Variants in BCL2L11 observed in about 807,000 individuals in gnomAD.
BCL2L11 encodes the protein bcl-2-like protein 11.
A neutral mutation model predicts 20.6 loss-of-function variants in BCL2L11; 15 were observed. That is an observed-to-expected ratio of 0.73 (90% CI 0.49 to 1.12). The LOEUF (loss-of-function observed/expected upper bound fraction) is 1.12, where lower values mean the gene tolerates loss of function less well. Ranked by LOEUF, BCL2L11 falls within the 50% of genes most tolerant of loss-of-function variation. The probability of loss-of-function intolerance (pLI) is 0.00; values close to 1 mark genes in which losing one functional copy is unlikely to be tolerated. For missense variants in BCL2L11, 292 were observed against 260.9 expected, an observed-to-expected ratio of 1.12 and a Z score of -0.82; for synonymous variants, 108 against 92.8, an observed-to-expected ratio of 1.16 and a Z score of -0.94.
chr2:111,134,737 G>A (rs528400866), intron 2 of BCL2L11, among the ~76,000 whole-genome samples: 1 of 152,160 alleles, frequency 6.6e-6, no homozygotes, highest in Non-Finnish European at 1.5e-5. Context: ...CTCCTTCTGG[G>A]AATGTCTTTA....
At chr2:111,164,017 G>A (rs1407725307) in intron 3 of BCL2L11, 116 bp from the exon 4 acceptor site, 1 of 696,672 alleles carries the variant, frequency 1.4e-6, no homozygotes, top group East Asian at 2.7e-5. Context: ...TGCTCTTGAA[G>A]AGGTGCCTTT....
chr2:111,163,879 TTTTTCCTA>T (rs2078871628), intron 3 of BCL2L11, among the ~76,000 whole-genome samples: 1 of 150,938 alleles, frequency 6.6e-6, no homozygotes, highest in Non-Finnish European at 1.5e-5. Flanking sequence ...TTTTTTTTTT[TTTTTCCTA>T]TTTTAAGGAG....
intron 3 of BCL2L11, among the ~76,000 whole-genome samples, chr2:111,157,910 C>G (rs2078066757): frequency 6.6e-6 from 1 of 152,176 alleles, no homozygotes; most frequent in Admixed American, 6.5e-5. Flanking sequence ...AGGTACCATG[C>G]ATCTGGGAGG....
intron 3 of BCL2L11, chr2:111,151,733 T>C: frequency 9.2e-7 from 1 of 1,088,158 alleles, no homozygotes; most frequent in Non-Finnish European, 1.4e-6. Flanking sequence ...GTGGGGGTGT[T>C]TGAGGAGAGT....
At chr2:111,122,696 C>A in intron 1 of BCL2L11, 1 of 982,012 alleles carries the variant, frequency 1.0e-6, no homozygotes, top group Non-Finnish European at 1.2e-6. Flanking sequence ...GGGCCAGAGG[C>A]GCGGCGTGCG....
intron 3 of BCL2L11, among the ~76,000 whole-genome samples, chr2:111,150,882 T>TTG (rs538287622): frequency 7.4e-6 from 1 of 134,694 alleles, no homozygotes; most frequent in Non-Finnish European, 1.7e-5. Context: ...CATGGGACAC[T>TTG]TTTGTTTGTT....
At chr2:111,130,648 T>C (rs545959968) in intron 2 of BCL2L11, among the ~76,000 whole-genome samples, 1 of 152,214 alleles carries the variant, frequency 6.6e-6, no homozygotes, top group Non-Finnish European at 1.5e-5. Flanking sequence ...TTATGTTGAC[T>C]AGGAGTGGTG....
At chr2:111,133,125 C>T (rs2150338961) in intron 2 of BCL2L11, among the ~76,000 whole-genome samples, 1 of 152,262 alleles carries the variant, frequency 6.6e-6, no homozygotes, top group South Asian at 2.1e-4. Context: ...TGAGTAGTTT[C>T]CAAATTTTGG....
chr2:111,153,535 T>G (rs901731765), intron 3 of BCL2L11, among the ~76,000 whole-genome samples: 2 of 152,170 alleles, frequency 1.3e-5, no homozygotes, highest in African/African-American at 4.8e-5. Context: ...GGCAGAAATC[T>G]GGGAAGGTAA....
chr2:111,121,329 G>A (rs945970597), intron 1 of BCL2L11, 141 bp downstream of exon 1: 1 of 169,604 alleles, frequency 5.9e-6, no homozygotes, highest in African/African-American at 2.4e-5. Flanking sequence ...TCGCCGGCGG[G>A]AGGTGGGGAT....
At chr2:111,135,644 T>C (rs1488072817) in intron 2 of BCL2L11, among the ~76,000 whole-genome samples, 3 of 152,050 alleles carry the variant, frequency 2.0e-5, no homozygotes, top group Admixed American at 2.0e-4. Flanking sequence ...TCTCTTTAAT[T>C]AGCCAGATGG....
At chr2:111,138,195 G>A (rs2075258761) in intron 2 of BCL2L11, among the ~76,000 whole-genome samples, 1 of 151,904 alleles carries the variant, frequency 6.6e-6, no homozygotes, top group Non-Finnish European at 1.5e-5. Context: ...TTTTAGTAGA[G>A]ACAGGGTTTC....
intron 2 of BCL2L11, among the ~76,000 whole-genome samples, chr2:111,149,718 G>A (rs1262851242): frequency 6.6e-6 from 1 of 152,124 alleles, no homozygotes; most frequent in Non-Finnish European, 1.5e-5. Flanking sequence ...ATATTTCTTT[G>A]GCAGTATTTT....
chr2:111,122,078 CGG>C (rs1574842450), intron 1 of BCL2L11, among the ~76,000 whole-genome samples: 2 of 152,308 alleles, frequency 1.3e-5, no homozygotes, highest in East Asian at 1.9e-4. Context: ...TCGATGGTCG[CGG>C]ACGTGCGCGT....
In BCL2L11 at chr2:111,146,164, A is replaced by G. The variant is rs2076484664; in HGVS notation, c.395-3880A>G. The G allele has an allele frequency of 3.0e-6, 3 of 985,260 alleles. No homozygotes were observed. The African/African-American group carries it at 5.2e-5, about 17-fold the overall frequency. The allele number at this position is 985,260 out of a possible 1,614,324, so 61.0% of individuals were successfully genotyped here. ...GAAACTACATTTTCTGTGGGTAAAAATGCAGCTCATCAGAATTTCCCCTTT... is the reference window on the plus strand; with the variant it reads ...GAAACTACATTTTCTGTGGGTAAAAGTGCAGCTCATCAGAATTTCCCCTTT... On this transcript the variant is annotated intron_variant, in intron 2 of 3. Coordinates refer to ENST00000393256, the MANE Select transcript of BCL2L11 (RefSeq NM_138621.5).
At position 111,124,012 on chromosome 2, in the gene BCL2L11, G is replaced by T. The variant is rs781778663; in HGVS notation, c.267G>T (p.Leu89=). ...TCTTTATGAGAAGATCCTCCCTGCTGTCTCGATCCTCCAGTGGGTATTTCT... is the reference window on the plus strand; with the variant it reads ...TCTTTATGAGAAGATCCTCCCTGCTTTCTCGATCCTCCAGTGGGTATTTCT... ...LFIFMRRSSL[L]SRSSSGYFSF... The change falls in exon 2 of 4, where the codon CTG becomes CTT. Residue 89 remains leucine (L), a synonymous_variant. Coordinates refer to ENST00000393256, the MANE Select transcript of BCL2L11 (RefSeq NM_138621.5). 19 of 1,614,096 alleles carry T rather than the reference G, an allele frequency of 1.2e-5. No individual in the cohort carries two copies. The highest frequency in any genetic ancestry group is 1.5e-5 in the Non-Finnish European group (18 of 1,180,046).
At chr2:111,126,566 G>A (rs1302748520) in intron 2 of BCL2L11, among the ~76,000 whole-genome samples, 3 of 150,050 alleles carry the variant, frequency 2.0e-5, no homozygotes, top group East Asian at 3.9e-4. Context: ...AGCCAGATGT[G>A]AGTTTCTTAA....
chr2:111,151,642 T>C (rs920499413), intron 3 of BCL2L11, among the ~76,000 whole-genome samples: 7 of 152,340 alleles, frequency 4.6e-5, no homozygotes, highest in African/African-American at 9.6e-5. Flanking sequence ...CATTTTCCCA[T>C]TACAAAGGAC....
intron 2 of BCL2L11, among the ~76,000 whole-genome samples, chr2:111,140,496 G>A (rs769600570): frequency 6.6e-6 from 1 of 152,164 alleles, no homozygotes; most frequent in Non-Finnish European, 1.5e-5. Context: ...TAAGTGGATG[G>A]AATCTGATTT....
Sources: gnomAD v4.1 joint callset for allele counts (sites outside exome capture counted in the v4.1 genomes callset) on GRCh38, gnomAD v4.1.1 for gene constraint, MANE v1.5 for transcripts, NCBI Gene and HGNC (gene_info 2026-07-23, HGNC 2026-07-21) for gene names.